The following BLTP3B variants were observed in gnomAD, a reference collection of about 807,000 sequenced individuals.
The protein encoded by BLTP3B is bridge-like lipid transfer protein family member 3B, also known as UHRF1 (ICBP90) binding protein 1-like.
the BLTP3B span, among the ~76,000 whole-genome samples, chr12:100,049,845 C>G: frequency 6.6e-6 from 1 of 152,126 alleles, no homozygotes; most frequent in Non-Finnish European, 1.5e-5. Flanking sequence ...GGTCTACACA[C>G]ACACACATTC....
chr12:100,063,094 G>A, the BLTP3B span, among the ~76,000 whole-genome samples: 11 of 152,164 alleles, frequency 7.2e-5, no homozygotes, highest in East Asian at 1.9e-4. Context: ...TTGCAGCTCC[G>A]ACTCGGATGG....
chr12:100,048,730 G>GC, the BLTP3B span, among the ~76,000 whole-genome samples: 26 of 138,060 alleles, frequency 1.9e-4, no homozygotes, highest in East Asian at 3.5e-3. Context: ...TTATAGTAAG[G>GC]GGGGGGAGAG....
the BLTP3B span, among the ~76,000 whole-genome samples, chr12:100,141,064 C>T: frequency 6.6e-6 from 1 of 151,658 alleles, no homozygotes; most frequent in Non-Finnish European, 1.5e-5. Flanking sequence ...TCTTGTGGAG[C>T]TGGGTATGAG....
the BLTP3B span, among the ~76,000 whole-genome samples, chr12:100,118,645 TAAGAGAGAC>T: frequency 6.6e-6 from 1 of 152,176 alleles, no homozygotes; most frequent in Non-Finnish European, 1.5e-5. Flanking sequence ...ATGCTAATAG[TAAGAGAGAC>T]TAAATGTTGG....
At chr12:100,110,095 G>A in the BLTP3B span, among the ~76,000 whole-genome samples, 1 of 152,010 alleles carries the variant, frequency 6.6e-6, no homozygotes, top group Non-Finnish European at 1.5e-5. Context: ...TTTCAAAAGT[G>A]AAATTACTGA....
chr12:100,125,079 C>A, the BLTP3B span, among the ~76,000 whole-genome samples: 1 of 147,492 alleles, frequency 6.8e-6, no homozygotes, highest in Non-Finnish European at 1.5e-5. Context: ...CGCCTGTAAT[C>A]CCAGCACTCT....
the BLTP3B span, among the ~76,000 whole-genome samples, chr12:100,120,960 G>A: frequency 6.6e-6 from 1 of 152,118 alleles, no homozygotes; most frequent in Non-Finnish European, 1.5e-5. Flanking sequence ...TCAGCAATAA[G>A]AATGTACACA....
At chr12:100,050,412 T>C in the BLTP3B span, 3 of 1,193,160 alleles carry the variant, frequency 2.5e-6, no homozygotes, top group South Asian at 2.1e-5. Context: ...CCTCTAAAAA[T>C]ACAATTGTGA....
At chr12:100,059,367 C>T in the BLTP3B span, 2 of 1,613,812 alleles carry the variant, frequency 1.2e-6, no homozygotes, top group African/African-American at 1.3e-5. Flanking sequence ...ATATGTTTTA[C>T]TAAAAAAATC....
the BLTP3B span, chr12:100,059,291 A>C: frequency 6.2e-7 from 1 of 1,614,086 alleles, no homozygotes; most frequent in African/African-American, 1.3e-5. Context: ...TATCTTGTTC[A>C]TGAGCATGTC....
chr12:100,041,375 C>T, the BLTP3B span, among the ~76,000 whole-genome samples: 1 of 150,858 alleles, frequency 6.6e-6, no homozygotes, highest in Non-Finnish European at 1.5e-5. Flanking sequence ...AAAGACTAGA[C>T]TCTTTTCCTG....
the BLTP3B span, chr12:100,128,542 T>C: frequency 1.9e-6 from 2 of 1,051,944 alleles, no homozygotes; most frequent in African/African-American, 2.1e-5. Flanking sequence ...ATTTATAGAA[T>C]GAAAAAAAAA....
At chr12:100,092,648 T>C in the BLTP3B span, 1 of 152,938 alleles carries the variant, frequency 6.5e-6, no homozygotes, top group Non-Finnish European at 1.5e-5. Flanking sequence ...TATATATGTA[T>C]CTAGTTTTCT....
At chr12:100,048,893 A>G in the BLTP3B span, among the ~76,000 whole-genome samples, 1 of 152,000 alleles carries the variant, frequency 6.6e-6, no homozygotes, top group East Asian at 1.9e-4. Context: ...ACATAGTTTA[A>G]AAACAAATTT....
chr12:100,097,228 G>A, the BLTP3B span: 1 of 781,710 alleles, frequency 1.3e-6, no homozygotes, highest in Non-Finnish European at 1.9e-6. Flanking sequence ...ATTTTAATAT[G>A]CCACTGGTAA....
the BLTP3B span, among the ~76,000 whole-genome samples, chr12:100,135,732 C>T: frequency 2.0e-5 from 3 of 152,150 alleles, no homozygotes; most frequent in Non-Finnish European, 4.4e-5. Flanking sequence ...TATTTATGTA[C>T]TTACTATCTG....
the BLTP3B span, among the ~76,000 whole-genome samples, chr12:100,136,210 C>CAAA: frequency 2.8e-5 from 3 of 106,396 alleles, no homozygotes; most frequent in East Asian, 7.2e-4. Flanking sequence ...GACTCTGTCT[C>CAAA]AAAAAAAAAA....
At chr12:100,123,113 A>G in the BLTP3B span, among the ~76,000 whole-genome samples, 1 of 152,146 alleles carries the variant, frequency 6.6e-6, no homozygotes, top group Admixed American at 6.6e-5. Flanking sequence ...CAACTAGAAG[A>G]TCAGCTCCAA....
the BLTP3B span, among the ~76,000 whole-genome samples, chr12:100,140,729 A>AAAAAAAAAAAAATATAT: frequency 1.6e-5 from 1 of 61,504 alleles, no homozygotes; most frequent in Non-Finnish European, 2.6e-5. Flanking sequence ...AAAAAAAAAA[A>AAAAAAAAAAAAATATAT]ATATATATAT....
Sources: gnomAD v4.1 joint callset for allele counts (sites outside exome capture counted in the v4.1 genomes callset) on GRCh38, gnomAD v4.1.1 for gene constraint, MANE v1.5 for transcripts, NCBI Gene and HGNC (gene_info 2026-07-23, HGNC 2026-07-21) for gene names.